The following SLC22A2 variants were observed in gnomAD, a reference collection of about 807,000 sequenced individuals.
SLC22A2 encodes the protein solute carrier family 22 member 2.
SLC22A2 carries 46 observed loss-of-function variants against 60.5 expected under a neutral mutation model. The ratio of observed to expected loss-of-function variants is 0.76; its 90% CI spans 0.60 to 0.97. The LOEUF is 0.97. Among genes scored for constraint, SLC22A2 ranks in the 50% least tolerant of loss-of-function variants. The pLI is 0.00. For synonymous variants in SLC22A2, 303 were observed against 267.0 expected, an observed-to-expected ratio of 1.13 and a Z score of -1.31; for missense variants, 701 against 706.6, an observed-to-expected ratio of 0.99 and a Z score of 0.09.
chr6:160,241,694 C>T, intron 8 of SLC22A2, 108 bp from the exon 9 acceptor site: 1 of 720,852 alleles, frequency 1.4e-6, no homozygotes, highest in South Asian at 1.7e-5. Flanking sequence ...TGTTCAAGAG[C>T]TATAGTGTAC....
At position 160,224,713 on chromosome 6, in the gene SLC22A2, AT is replaced by A; in HGVS notation, c.1592del (p.Asn531IlefsTer12). 6.2e-7 allele frequency: 1 copy of A among 1,603,174 alleles called. No individual in the cohort carries two copies. The highest frequency in any genetic ancestry group is 8.5e-7 in the Non-Finnish European group (1 of 1,173,556). ...ALPETIEEAE[N>X]MQRPRKNKEK... ...AACTTTCAACTGCCTACCTTTGCAT[AT>A]TTTCGGCTTCCTCGATGGTCTCAGG... is the stretch of plus-strand genomic sequence containing the variant. On this transcript the variant is annotated frameshift_variant, in exon 10 of 11. Transcript: ENST00000366953. LOFTEE classifies it high-confidence loss of function.
chr6:160,232,584 C>A (rs920853255), intron 9 of SLC22A2, among the ~76,000 whole-genome samples: 26 of 140,450 alleles, frequency 1.9e-4, no homozygotes, highest in Non-Finnish European at 3.5e-4. Context: ...AAAAAAAAAA[C>A]ATTTCTCAAA....
chr6:160,256,341 C>T (rs796118298), intron 2 of SLC22A2, among the ~76,000 whole-genome samples: 4 of 152,152 alleles, frequency 2.6e-5, no homozygotes, highest in South Asian at 2.1e-4. Flanking sequence ...CTCTCCCTTC[C>T]GACTTGAAGC....
intron 4 of SLC22A2, among the ~76,000 whole-genome samples, chr6:160,248,525 G>A (rs1442456135): frequency 6.6e-6 from 1 of 152,156 alleles, no homozygotes; most frequent in Admixed American, 6.5e-5. Flanking sequence ...AGAACAAGTG[G>A]GTAAATCCAG....
chr6:160,242,757 G>A (rs1251272527), intron 7 of SLC22A2, among the ~76,000 whole-genome samples: 2 of 151,892 alleles, frequency 1.3e-5, no homozygotes, highest in South Asian at 4.2e-4. Context: ...TGGTATGTTT[G>A]TTACTTGATG....
intron 10 of SLC22A2, chr6:160,218,365 A>G: frequency 2.7e-6 from 1 of 366,232 alleles, no homozygotes. Context: ...CAGGAACAAC[A>G]AAAGCAAGAA....
intron 9 of SLC22A2, among the ~76,000 whole-genome samples, chr6:160,239,359 G>GC (rs937200955): frequency 3.9e-4 from 60 of 152,342 alleles, no homozygotes; most frequent in Non-Finnish European, 3.1e-4. Context: ...CAACTGAGCA[G>GC]CCCATGCTGC....
At chr6:160,257,230 G>A (rs1055749083) in intron 1 of SLC22A2, among the ~76,000 whole-genome samples, 2 of 152,130 alleles carry the variant, frequency 1.3e-5, no homozygotes, top group African/African-American at 2.4e-5. Context: ...GTGTGTGGAC[G>A]TGATACAATG....
At chr6:160,251,631 A>G (rs561680615) in intron 2 of SLC22A2, among the ~76,000 whole-genome samples, 1 of 152,218 alleles carries the variant, frequency 6.6e-6, no homozygotes, top group South Asian at 2.1e-4. Context: ...ACCCTAATCC[A>G]CTTAGTGGAT....
At chr6:160,241,773 T>C (rs1327225996) in intron 8 of SLC22A2, among the ~76,000 whole-genome samples, 187 bp from the exon 9 acceptor site, 4 of 150,912 alleles carry the variant, frequency 2.7e-5, no homozygotes, top group Admixed American at 1.3e-4. Context: ...TACAACCATA[T>C]ACCACCTGTT....
At chr6:160,246,757 G>T in intron 5 of SLC22A2, among the ~76,000 whole-genome samples, 1 of 151,956 alleles carries the variant, frequency 6.6e-6, no homozygotes, top group East Asian at 1.9e-4. Context: ...AAAAAAAAAA[G>T]CTTTTTGGAC....
At chr6:160,247,438 T>G in intron 4 of SLC22A2, 140 bp from the exon 5 acceptor site, 1 of 572,546 alleles carries the variant, frequency 1.7e-6, no homozygotes, top group East Asian at 3.0e-5. Flanking sequence ...GGGGGATATG[T>G]GGTTCTTTCC....
At chr6:160,219,113 A>AGAG (rs1562428709) in intron 10 of SLC22A2, among the ~76,000 whole-genome samples, 1 of 206 alleles carries the variant, frequency 4.9e-3, no homozygotes, top group African/African-American at 0.014. Flanking sequence ...AGAAGCAATA[A>AGAG]CAGCAGCAGC....
chr6:160,219,849 G>A (rs2928035), intron 10 of SLC22A2, among the ~76,000 whole-genome samples: 128,970 of 152,176 alleles, frequency 0.85, 55,334 homozygotes, highest in Admixed American at 0.91. Context: ...ATGTCTGAGA[G>A]AACAATGTAA....
At chr6:160,233,148 A>G (rs1489092504) in intron 9 of SLC22A2, among the ~76,000 whole-genome samples, 1 of 151,958 alleles carries the variant, frequency 6.6e-6, no homozygotes, top group Non-Finnish European at 1.5e-5. Context: ...GGACTGGCAA[A>G]TTGACTTTAC....
chr6:160,238,597 C>G (rs544534998), intron 9 of SLC22A2, among the ~76,000 whole-genome samples: 15 of 152,094 alleles, frequency 9.9e-5, no homozygotes, highest in Non-Finnish European at 1.6e-4. Context: ...CGTTTTATGG[C>G]TATTTCAAGA....
intron 10 of SLC22A2, among the ~76,000 whole-genome samples, chr6:160,223,157 A>C (rs1261425171): frequency 6.6e-6 from 1 of 152,242 alleles, no homozygotes; most frequent in African/African-American, 2.4e-5. Flanking sequence ...AGAAGAAAAT[A>C]AATAAAAATA....
At chr6:160,240,250 T>C (rs976129502) in intron 9 of SLC22A2, among the ~76,000 whole-genome samples, 6 of 152,150 alleles carry the variant, frequency 3.9e-5, no homozygotes, top group Non-Finnish European at 7.3e-5. Context: ...TTGTGAGACT[T>C]TAACTAGTGC....
chr6:160,234,934 A>G lies in SLC22A2; in HGVS notation c.1501+6540T>C, dbSNP rs78248380. On this transcript the variant is annotated intron_variant, in intron 9 of 10. Transcript: ENST00000366953. Reference sequence around the variant, plus strand: ...CTGGTTAATTCTCTTCCTCTCCACAAACCATCTTGAACTTTCCTTTCTCTG... The same window carrying G: ...CTGGTTAATTCTCTTCCTCTCCACAGACCATCTTGAACTTTCCTTTCTCTG... Among the ~76,000 whole-genome samples the G allele has an allele frequency of 7.1e-4, 108 of 152,304 alleles. 1 individual carries two copies. Among genetic ancestry groups the G allele is most frequent in the Non-Finnish European group, 1.0e-3 (71 of 68,028 alleles).
Sources: allele counts gnomAD v4.1 joint callset (sites outside exome capture counted in the v4.1 genomes callset), GRCh38; gene constraint gnomAD v4.1.1; transcripts MANE v1.5; gene names NCBI Gene and HGNC (gene_info 2026-07-23, HGNC 2026-07-21).